TPX2: variants seen among roughly 807,000 people sequenced by gnomAD.
TPX2 encodes the protein TPX2 microtubule nucleation factor, also known as targeting protein for Xklp2.
In TPX2, 21 loss-of-function variants were observed where a neutral mutation model predicts 93.6. The ratio of observed to expected loss-of-function variants is 0.22; its 90% confidence interval spans 0.16 to 0.32. The LOEUF (loss-of-function observed/expected upper bound fraction) is 0.32, where lower values mean the gene tolerates loss of function less well. Ranked by LOEUF, TPX2 falls within the 10% of genes least tolerant of loss-of-function variation. The pLI, the probability that TPX2 is intolerant of heterozygous loss-of-function variation, is 1.00. For missense variants in TPX2, 776 were observed against 871.1 expected (o/e 0.89, Z 1.37); for synonymous variants, 281 against 298.3 (o/e 0.94, Z 0.60).
chr20:31,773,598 C>T (rs1207200724), intron 7 of TPX2, among the ~76,000 whole-genome samples: 2 of 152,240 alleles, frequency 1.3e-5, no homozygotes, highest in East Asian at 1.9e-4. Context: ...CCTGAAGTGC[C>T]ATTGGCTTTG....
In TPX2 at chr20:31,777,580, A is replaced by C; in HGVS notation, c.824A>C (p.Gln275Pro). 18 of 1,614,224 alleles carry C rather than the reference A, an allele frequency of 1.1e-5. No homozygotes were observed. Among genetic ancestry groups the C allele is most frequent in the Non-Finnish European group, 1.5e-5 (18 of 1,180,040 alleles). Residue 275 changes from glutamine (Q) to proline (P), a missense_variant, in exon 9 of 18, where the codon CAG becomes CCG. Transcript: ENST00000300403. ...DERIKQHPKN[Q>P]EEYKEVNFTS... ...CGAATCAAACAACATCCTAAGAACC[A>C]GGAGGAATATAAGGAAGTGAACTTT... is the stretch of plus-strand genomic sequence containing the variant.
intron 7 of TPX2, among the ~76,000 whole-genome samples, chr20:31,772,797 T>C (rs2061971922): frequency 6.6e-6 from 1 of 152,160 alleles, no homozygotes; most frequent in Admixed American, 6.5e-5. Flanking sequence ...TTTCCAGCTT[T>C]TCATGATTAT....
Position 31,783,937 on chromosome 20 carries a change from T to C in TPX2, c.1413+16T>C. On this transcript the variant is annotated intron_variant, in intron 12 of 17. Transcript: ENST00000300403. Reference sequence around the variant, plus strand: ...AGATGTTGTGGTAAGGTTGAGGCTATGTGTGCTGGCAGAAGTGTACTGCTC... The same window carrying C: ...AGATGTTGTGGTAAGGTTGAGGCTACGTGTGCTGGCAGAAGTGTACTGCTC... The C allele has an allele frequency of 1.2e-6, 2 of 1,613,178 alleles. No homozygotes were observed.
At chr20:31,800,293 G>T (rs1377534828) in intron 17 of TPX2, among the ~76,000 whole-genome samples, 1 of 151,844 alleles carries the variant, frequency 6.6e-6, no homozygotes, top group Non-Finnish European at 1.5e-5. Flanking sequence ...CTTTTTTCCC[G>T]GCCTCAACTT....
At chr20:31,794,122 C>A in intron 14 of TPX2, 98 bp downstream of exon 14, 1 of 1,269,654 alleles carries the variant, frequency 7.9e-7, no homozygotes, top group Non-Finnish European at 1.1e-6. Context: ...TCACTGACTT[C>A]TTTTGATCTT....
Position 31,798,529 on chromosome 20 carries a change from C to G in TPX2, c.2110C>G (p.Leu704Val), listed in dbSNP as rs1385202004. The change falls in exon 17 of 18, where the codon CTG becomes GTG. Residue 704 changes from leucine (L) to valine (V), a missense_variant. Leu to Val is a conservative substitution (Grantham distance 32, BLOSUM62 1). Coordinates refer to ENST00000300403, the MANE Select transcript of TPX2 (RefSeq NM_012112.5). ...GGAGGAAGAGCAGAAAAAAGAGGAG[C>G]TGGCCAGGCTACGGAGAGAACTGGT... ...LQEEEQKKEE[L>V]ARLRRELVHK... The G allele has an allele frequency of 6.2e-6, 10 of 1,610,394 alleles. No individual in the cohort carries two copies. The highest frequency in any genetic ancestry group is 5.9e-6 in the Non-Finnish European group (7 of 1,179,186).
chr20:31,746,695 C>G (rs965893989), intron 2 of TPX2, among the ~76,000 whole-genome samples: 2 of 152,204 alleles, frequency 1.3e-5, no homozygotes, highest in Non-Finnish European at 2.9e-5. Context: ...CACCCTCTTG[C>G]AGCTTTCCCC....
Position 31,797,428 on chromosome 20 carries a change from AAAG to A in TPX2, c.1862_1864del (p.Glu621del). 6.2e-7 allele frequency: 1 copy of A among 1,614,174 alleles called. No individual in the cohort carries two copies. The highest frequency in any genetic ancestry group is 1.1e-5 in the South Asian group (1 of 91,082). ...GCTGGAAGAAGAACTGAGACAGCAG[AAAG>A]AAGCAGCTTGTTTCAAGGCTCGTCC... On this transcript the variant is annotated inframe_deletion, in exon 16 of 18. Transcript: ENST00000300403.
At chr20:31,777,113 A>T (rs1239102772) in intron 8 of TPX2, among the ~76,000 whole-genome samples, 1 of 152,188 alleles carries the variant, frequency 6.6e-6, no homozygotes, top group African/African-American at 2.4e-5. Context: ...TGGAGTTTAT[A>T]GGATTTTCCT....
At chr20:31,774,180 T>C (rs1402926604) in intron 7 of TPX2, among the ~76,000 whole-genome samples, 2 of 152,204 alleles carry the variant, frequency 1.3e-5, no homozygotes, top group Non-Finnish European at 1.5e-5. Context: ...GAATTTATTC[T>C]CTTAGTGTAT....
chr20:31,744,448 C>T (rs1465513097), intron 2 of TPX2, among the ~76,000 whole-genome samples: 2 of 152,086 alleles, frequency 1.3e-5, no homozygotes, highest in East Asian at 1.9e-4. Context: ...TGAGCCACCA[C>T]GCCCGGCCTC....
intron 7 of TPX2, among the ~76,000 whole-genome samples, chr20:31,774,357 C>A (rs1016561091): frequency 4.6e-5 from 7 of 152,130 alleles, no homozygotes; most frequent in African/African-American, 1.7e-4. Context: ...GATTGTATTA[C>A]TGCTACTATT....
chr20:31,746,744 T>C (rs1339907410), intron 2 of TPX2, among the ~76,000 whole-genome samples: 1 of 152,120 alleles, frequency 6.6e-6, no homozygotes, highest in Non-Finnish European at 1.5e-5. Flanking sequence ...TTATAGAGCT[T>C]GTCAAGACTA....
chr20:31,788,582 T>C (rs2062081937), intron 12 of TPX2, among the ~76,000 whole-genome samples: 1 of 152,110 alleles, frequency 6.6e-6, no homozygotes, highest in Non-Finnish European at 1.5e-5. Context: ...GTCCTTACAG[T>C]GTTTCCTCTG....
In TPX2 at chr20:31,801,609, C is replaced by T. The variant is rs1025963306; in HGVS notation, c.*529C>T. 1 of 152,404 alleles carries T rather than the reference C, an allele frequency of 6.6e-6. No homozygotes were observed. The highest frequency in any genetic ancestry group is 1.5e-5 in the Non-Finnish European group (1 of 68,222). 9.4% of individuals were successfully genotyped at this position (152,404 alleles called of 1,614,324 possible). On this transcript the variant is annotated 3_prime_UTR_variant, in exon 18 of 18. Coordinates refer to ENST00000300403, the MANE Select transcript of TPX2 (RefSeq NM_012112.5). ...ATCCCTTTGCTGTGAGGGTAGAAAA[C>T]CTCACCAACTGCACCAGTGAGGAAG...
chr20:31,750,320 G>T (rs1322171952), intron 2 of TPX2, among the ~76,000 whole-genome samples: 3 of 151,936 alleles, frequency 2.0e-5, no homozygotes, highest in Non-Finnish European at 4.4e-5. Flanking sequence ...ACCACACCTG[G>T]CTAATTTTAT....
At chr20:31,769,339 G>A (rs536157089) in intron 5 of TPX2, among the ~76,000 whole-genome samples, 9 of 143,550 alleles carry the variant, frequency 6.3e-5, no homozygotes, top group Admixed American at 2.1e-4. Context: ...TTTTTTTCAA[G>A]GCGGAGTCTC....
chr20:31,789,253 A>G (rs1401055946), intron 12 of TPX2, among the ~76,000 whole-genome samples: 1 of 152,172 alleles, frequency 6.6e-6, no homozygotes, highest in Admixed American at 6.6e-5. Context: ...CCCTGAGAAC[A>G]GGGACCGTGT....
In TPX2 at chr20:31,798,385, G is replaced by A; in HGVS notation, c.1966G>A (p.Val656Ile). ...SVAEGLSGSL[V>I]QEPFQLATEK... ...CTTAGAGGGCCTTTCTGGTTCTCTA[G>A]TTCAGGAACCTTTTCAGCTGGCTAC... Residue 656 changes from valine to isoleucine, a missense_variant, in exon 17 of 18, where the codon GTT becomes ATT. Val to Ile is a conservative substitution (Grantham distance 29, BLOSUM62 3). Around this residue, in one of 3 missense-constraint regions of TPX2, gnomAD observed 461 missense variants for 551.2 expected, o/e 0.84. Transcript: ENST00000300403. 3 of 1,614,056 alleles carry A rather than the reference G, an allele frequency of 1.9e-6. No individual in the cohort carries two copies. Among genetic ancestry groups the A allele is most frequent in the Non-Finnish European group, 2.5e-6 (3 of 1,180,010 alleles).
Sources: allele counts gnomAD v4.1 joint callset (sites outside exome capture counted in the v4.1 genomes callset), GRCh38; gene constraint gnomAD v4.1.1; regional missense constraint gnomAD v4.1.1; transcripts MANE v1.5; gene names NCBI Gene and HGNC (gene_info 2026-07-23, HGNC 2026-07-21).